UTRN: variants seen among roughly 807,000 people sequenced by gnomAD.
The protein encoded by UTRN is utrophin.
A neutral mutation model predicts 463.9 loss-of-function variants in UTRN; 283 were observed. The ratio of observed to expected loss-of-function variants is 0.61; its 90% CI spans 0.55 to 0.67. UTRN has a LOEUF of 0.67. UTRN is among the 30% of genes least tolerant of loss of function. The probability of loss-of-function intolerance (pLI) is 0.00; values close to 1 mark genes in which losing one functional copy is unlikely to be tolerated. For missense variants in UTRN, 3,922 were observed against 4,084.3 expected (o/e 0.96, Z 1.08); for synonymous variants, 1,442 against 1,431.5 (o/e 1.01, Z -0.17).
At chr6:144,818,743 C>G (rs1337972529) in intron 65 of UTRN, among the ~76,000 whole-genome samples, 1 of 152,114 alleles carries the variant, frequency 6.6e-6, no homozygotes, top group Non-Finnish European at 1.5e-5. Context: ...GTAAGCATAT[C>G]TCTACACTAA....
intron 53 of UTRN, among the ~76,000 whole-genome samples, chr6:144,724,173 T>C (rs1426897651): frequency 2.0e-5 from 3 of 151,612 alleles, no homozygotes; most frequent in African/African-American, 4.8e-5. Flanking sequence ...TCAGGGGCTT[T>C]TAGTATTTTC....
chr6:144,688,301 T>C (rs1237231919), intron 52 of UTRN, among the ~76,000 whole-genome samples: 2 of 152,190 alleles, frequency 1.3e-5, no homozygotes, highest in African/African-American at 4.8e-5. Flanking sequence ...TTATGTTGTT[T>C]TTCACTTTTC....
chr6:144,797,998 G>A lies in UTRN; in HGVS notation c.9245+8G>A, dbSNP rs559608081. 49 of 1,613,960 alleles carry A rather than the reference G, an allele frequency of 3.0e-5. No homozygotes were observed. The highest frequency in any genetic ancestry group is 8.0e-5 in the African/African-American group (6 of 75,004). ...TCCAATTGTCGGGTTCAGGTAAGGC[G>A]TGCCAGTGCTGGAGGAGGCTATTTT... On this transcript the variant is annotated splice_region_variant and intron_variant, in intron 64 of 74. Coordinates refer to ENST00000367545, the MANE Select transcript of UTRN (RefSeq NM_007124.3).
chr6:144,472,808 G>A (rs146149163), intron 23 of UTRN, among the ~76,000 whole-genome samples: 2,149 of 147,810 alleles, frequency 0.015, 35 homozygotes, highest in African/African-American at 0.034. Flanking sequence ...TTGCTCTGTC[G>A]CCAGGCTGGA....
At position 144,470,448 on chromosome 6, in the gene UTRN, C is replaced by T. The variant is rs547828815; in HGVS notation, c.3067-3272C>T. Among the ~76,000 whole-genome samples, 211 of 151,832 alleles carry T rather than the reference C, an allele frequency of 1.4e-3. 1 individual carries two copies. The highest frequency in any genetic ancestry group is 3.4e-3 in the Middle Eastern group (1 of 294). ...AGACGGGGTCGCGGCCGGGCAGAGGCGCTCCTCACATCCCAGATAGGGCGG... is the reference window on the plus strand; with the variant it reads ...AGACGGGGTCGCGGCCGGGCAGAGGTGCTCCTCACATCCCAGATAGGGCGG... On this transcript the variant is annotated intron_variant, in intron 23 of 74. Transcript: ENST00000367545.
intron 46 of UTRN, among the ~76,000 whole-genome samples, chr6:144,546,984 A>G (rs1164177517): frequency 6.6e-6 from 1 of 152,222 alleles, no homozygotes; most frequent in Non-Finnish European, 1.5e-5. Flanking sequence ...ATGTCACGTT[A>G]TGTAGACTTA....
At chr6:144,530,835 G>A (rs1402214178) in intron 41 of UTRN, among the ~76,000 whole-genome samples, 1 of 152,014 alleles carries the variant, frequency 6.6e-6, no homozygotes, top group Non-Finnish European at 1.5e-5. Flanking sequence ...GGTGGTGTGA[G>A]CAGATTGCTT....
intron 51 of UTRN, among the ~76,000 whole-genome samples, chr6:144,637,245 C>T (rs1441558465): frequency 2.0e-5 from 3 of 152,350 alleles, no homozygotes; most frequent in Admixed American, 1.3e-4. Context: ...GCTGGGATTA[C>T]AGGCGTGAGC....
Position 144,711,183 on chromosome 6 carries a change from G to A in UTRN, c.7809+10940G>A, listed in dbSNP as rs115493537. Among the ~76,000 whole-genome samples, 390 of 152,000 alleles carry A rather than the reference G, an allele frequency of 2.6e-3. 4 individuals carry two copies. Among genetic ancestry groups the A allele is most frequent in the African/African-American group, 7.1e-3 (295 of 41,458 alleles). On this transcript the variant is annotated intron_variant, in intron 53 of 74. Coordinates refer to ENST00000367545, the MANE Select transcript of UTRN (RefSeq NM_007124.3). ...AAATATAAAAATTAGGTGTGGTGGC[G>A]GGTGCCTATCATCTCAGCTACTTGT...
chr6:144,414,312 G>T (rs1404900001), intron 3 of UTRN, among the ~76,000 whole-genome samples: 1 of 151,988 alleles, frequency 6.6e-6, no homozygotes, highest in Non-Finnish European at 1.5e-5. Flanking sequence ...CCCTGTGTAG[G>T]CCTAGGCTAA....
chr6:144,668,076 G>A (rs542783597), intron 51 of UTRN, among the ~76,000 whole-genome samples: 1 of 152,316 alleles, frequency 6.6e-6, no homozygotes, highest in African/African-American at 2.4e-5. Flanking sequence ...AAATCTTGCA[G>A]GAGCTGTCTA....
At chr6:144,690,742 A>T (rs1398517914) in intron 52 of UTRN, among the ~76,000 whole-genome samples, 1 of 151,914 alleles carries the variant, frequency 6.6e-6, no homozygotes, top group African/African-American at 2.4e-5. Context: ...TCTACTCCCC[A>T]TTGCTCACTA....
At chr6:144,492,826 A>G (rs1169447976) in intron 32 of UTRN, among the ~76,000 whole-genome samples, 1 of 152,218 alleles carries the variant, frequency 6.6e-6, no homozygotes, top group Non-Finnish European at 1.5e-5. Context: ...CATACAAATT[A>G]TATATGTTCA....
At chr6:144,745,713 C>T (rs1274572529) in intron 54 of UTRN, among the ~76,000 whole-genome samples, 1 of 152,108 alleles carries the variant, frequency 6.6e-6, no homozygotes, top group African/African-American at 2.4e-5. Context: ...CTCCCTGTGC[C>T]AAGTTATTTA....
chr6:144,305,794 G>C (rs1304016964), intron 2 of UTRN, among the ~76,000 whole-genome samples: 1 of 152,212 alleles, frequency 6.6e-6, no homozygotes, highest in Non-Finnish European at 1.5e-5. Context: ...GAAAATCTGG[G>C]CAAGGTAACT....
intron 52 of UTRN, among the ~76,000 whole-genome samples, chr6:144,695,348 T>TC (rs1783883918): frequency 1.4e-5 from 2 of 147,458 alleles, no homozygotes; most frequent in Non-Finnish European, 3.0e-5. Context: ...TGATTAAACT[T>TC]TTTTTTTTTT....
At chr6:144,548,291 TG>T (rs755749732) in intron 46 of UTRN, among the ~76,000 whole-genome samples, 7 of 152,104 alleles carry the variant, frequency 4.6e-5, no homozygotes, top group Non-Finnish European at 1.0e-4. Context: ...TAAAGTTAAA[TG>T]AAAAAAATAA....
Position 144,461,225 on chromosome 6 carries a change from T to C in UTRN, c.2736T>C (p.Tyr912=), listed in dbSNP as rs763417415. The change falls in exon 22 of 75, where the codon TAT becomes TAC. Residue 912 remains tyrosine, a synonymous_variant. Transcript: ENST00000367545. The part of the protein sequence containing the change: ...NELKGQPGHA[Y]LETLKTLKDV... ...TGAAGGGCCAACCTGGACATGCATATCTGGAAACATTGAAAACACTGAAAG... is the reference window on the plus strand; with the variant it reads ...TGAAGGGCCAACCTGGACATGCATACCTGGAAACATTGAAAACACTGAAAG... 51 of 1,604,636 alleles carry C rather than the reference T, an allele frequency of 3.2e-5. No homozygotes were observed. In the Admixed American group the frequency reaches 8.3e-4, roughly 26 times the overall value.
chr6:144,553,984 G>A (rs931686393), intron 48 of UTRN, among the ~76,000 whole-genome samples: 1 of 151,810 alleles, frequency 6.6e-6, no homozygotes, highest in Admixed American at 6.6e-5. Context: ...ATAGAGAAAG[G>A]AGAAGAGAGA....
Sources: gnomAD v4.1 joint callset for allele counts (sites outside exome capture counted in the v4.1 genomes callset) on GRCh38, gnomAD v4.1.1 for gene constraint, MANE v1.5 for transcripts, NCBI Gene and HGNC (gene_info 2026-07-23, HGNC 2026-07-21) for gene names.